The following UNC5C variants were observed in gnomAD, a reference collection of about 807,000 sequenced individuals.
UNC5C encodes netrin receptor UNC5C.
A neutral mutation model predicts 99.8 loss-of-function variants in UNC5C; 47 were observed. The ratio of observed to expected loss-of-function variants is 0.47; its 90% CI spans 0.37 to 0.60. The LOEUF (loss-of-function observed/expected upper bound fraction) is 0.60. Ranked by LOEUF, UNC5C falls within the 20% of genes least tolerant of loss-of-function variation. UNC5C has a pLI of 0.00. For synonymous variants in UNC5C, 487 were observed against 452.2 expected (o/e 1.08, Z -0.98); for missense variants, 1,062 against 1,165.9 (o/e 0.91, Z 1.30).
At chr4:95,432,027 T>C (rs1373234356) in intron 1 of UNC5C, among the ~76,000 whole-genome samples, 1 of 151,938 alleles carries the variant, frequency 6.6e-6, no homozygotes, top group African/African-American at 2.4e-5. Context: ...TAAAAGGAAA[T>C]GAATAGAAGT....
At chr4:95,244,046 T>C (rs924108826) in intron 6 of UNC5C, among the ~76,000 whole-genome samples, 2 of 152,156 alleles carry the variant, frequency 1.3e-5, no homozygotes, top group South Asian at 2.1e-4. Flanking sequence ...AGATTATGTA[T>C]ATCTCTCCAG....
At chr4:95,515,881 T>C (rs1178007891) in intron 1 of UNC5C, among the ~76,000 whole-genome samples, 1 of 152,196 alleles carries the variant, frequency 6.6e-6, no homozygotes, top group Non-Finnish European at 1.5e-5. Flanking sequence ...ACAGTGTATA[T>C]AGATGTCATG....
At chr4:95,179,739 T>G (rs1434235911) in intron 14 of UNC5C, among the ~76,000 whole-genome samples, 1 of 100,156 alleles carries the variant, frequency 1.0e-5, no homozygotes, top group Non-Finnish European at 2.1e-5. Context: ...AGAGCAAGAC[T>G]CCTTCTCAAA....
rs1747115287 is a variant in UNC5C at position 95,446,657 on chromosome 4, G to A, written c.124+102077C>T. ...AAACCTGCCTGATTTCAGGTTCACTGGCACACAACAGTAAATATCCTACAT... is the reference window on the plus strand; with the variant it reads ...AAACCTGCCTGATTTCAGGTTCACTAGCACACAACAGTAAATATCCTACAT... On this transcript the variant is annotated intron_variant, in intron 1 of 15. Coordinates refer to ENST00000453304, the MANE Select transcript of UNC5C (RefSeq NM_003728.4). Among the ~76,000 whole-genome samples the A allele has an allele frequency of 2.0e-5, 3 of 152,088 alleles. No individual in the cohort carries two copies. The South Asian group carries it at 6.2e-4, about 32-fold the overall frequency.
At position 95,404,900 on chromosome 4, in the gene UNC5C, G is replaced by A. The variant is rs138471248; in HGVS notation, c.125-69269C>T. ...AGAAAAGGAGGAAGATCTGAACGCC[G>A]AGAGGAGTCTGGCTGGGGGCAGTTG... On this transcript the variant is annotated intron_variant, in intron 1 of 15. Transcript: ENST00000453304. Among the ~76,000 whole-genome samples the A allele has an allele frequency of 5.6e-3, 860 of 152,304 alleles. 11 individuals are homozygous for A. The highest frequency in any genetic ancestry group is 0.019 in the African/African-American group (793 of 41,560).
intron 1 of UNC5C, among the ~76,000 whole-genome samples, chr4:95,546,585 C>T (rs1210112797): frequency 6.6e-6 from 1 of 152,126 alleles, no homozygotes; most frequent in African/African-American, 2.4e-5. Flanking sequence ...ACTAAATAAA[C>T]GAAATGGACA....
intron 7 of UNC5C, among the ~76,000 whole-genome samples, chr4:95,234,463 G>A (rs867647471): frequency 6.6e-6 from 1 of 151,656 alleles, no homozygotes; most frequent in Admixed American, 6.6e-5. Context: ...TGCCACGTTC[G>A]TGTGCTGCAC....
chr4:95,179,219 C>T (rs376791486), intron 14 of UNC5C, among the ~76,000 whole-genome samples: 9 of 152,220 alleles, frequency 5.9e-5, no homozygotes, highest in South Asian at 2.1e-4. Context: ...TTCCTAAAGT[C>T]GCTTAGAAAA....
intron 1 of UNC5C, among the ~76,000 whole-genome samples, chr4:95,419,588 G>A (rs1746261512): frequency 1.3e-5 from 2 of 152,178 alleles, no homozygotes; most frequent in African/African-American, 2.4e-5. Flanking sequence ...TCTGGTGAAT[G>A]CTATTTATGC....
intron 13 of UNC5C, among the ~76,000 whole-genome samples, chr4:95,183,851 C>CCTAT (rs922298814): frequency 3.9e-5 from 6 of 152,166 alleles, no homozygotes; most frequent in East Asian, 1.9e-4. Flanking sequence ...GCTCAGTTTT[C>CCTAT]CTATCTGCAA....
chr4:95,467,624 C>G (rs1451736225), intron 1 of UNC5C, among the ~76,000 whole-genome samples: 1 of 152,032 alleles, frequency 6.6e-6, no homozygotes, highest in Non-Finnish European at 1.5e-5. Context: ...ATAGTCACTG[C>G]ATAAAAGTAT....
rs183006028 is a variant in UNC5C, at chr4:95,401,755, G to A, written c.125-66124C>T. 2.9e-3 allele frequency among the ~76,000 whole-genome samples: 442 copies of A among 152,354 alleles called. 1 individual carries two copies. The highest frequency in any genetic ancestry group is 5.1e-3 in the Non-Finnish European group (347 of 68,028). On this transcript the variant is annotated intron_variant, in intron 1 of 15. Transcript: ENST00000453304. Reference sequence around the variant, plus strand: ...GTAGCCCAGAGCCCGAAGGAGGTGAGACTCAGTGGATCCGAGCAGAGTTGT... The same window carrying A: ...GTAGCCCAGAGCCCGAAGGAGGTGAAACTCAGTGGATCCGAGCAGAGTTGT...
At chr4:95,521,482 T>G (rs142112983) in intron 1 of UNC5C, among the ~76,000 whole-genome samples, 10,312 of 152,130 alleles carry the variant, frequency 0.068, 435 homozygotes, top group Non-Finnish European at 0.098. Flanking sequence ...CCTCCCAAAG[T>G]GCTGGGATTA....
In UNC5C at chr4:95,437,015, G is replaced by C. The variant is rs897391575; in HGVS notation, c.125-101384C>G. On this transcript the variant is annotated intron_variant, in intron 1 of 15. Transcript: ENST00000453304. ...CTTTCTTGAAAAAAAAAAAAAAACA[G>C]AGACATATAAAACAGCAGGTCTGCA... 2.8e-5 allele frequency among the ~76,000 whole-genome samples: 3 copies of C among 106,732 alleles called. No individual in the cohort carries two copies. The Admixed American group carries it at 3.0e-4, about 11-fold the overall frequency. The allele number at this position is 106,732 out of a possible 152,430, so 70.0% of individuals were successfully genotyped here.
At chr4:95,361,897 G>C (rs551800137) in intron 1 of UNC5C, among the ~76,000 whole-genome samples, 1 of 151,936 alleles carries the variant, frequency 6.6e-6, no homozygotes, top group East Asian at 1.9e-4. Context: ...ACTCCTTCTT[G>C]TTCTTCAGTG....
chr4:95,408,414 A>T (rs985766809), intron 1 of UNC5C, among the ~76,000 whole-genome samples: 1 of 152,176 alleles, frequency 6.6e-6, no homozygotes, highest in Non-Finnish European at 1.5e-5. Flanking sequence ...TGTTTTCATT[A>T]GTGCTTTTGT....
chr4:95,444,824 G>A (rs1388123407), intron 1 of UNC5C, among the ~76,000 whole-genome samples: 3 of 152,024 alleles, frequency 2.0e-5, no homozygotes, highest in Non-Finnish European at 4.4e-5. Context: ...TCACCAGTCT[G>A]CAACTCCGCG....
chr4:95,511,166 C>A (rs1347028025), intron 1 of UNC5C, among the ~76,000 whole-genome samples: 1 of 152,140 alleles, frequency 6.6e-6, no homozygotes, highest in African/African-American at 2.4e-5. Context: ...AGTGCCACTG[C>A]TGACCTTGTC....
chr4:95,529,080 A>G (rs1057362760), intron 1 of UNC5C, among the ~76,000 whole-genome samples: 1 of 151,726 alleles, frequency 6.6e-6, no homozygotes, highest in African/African-American at 2.4e-5. Flanking sequence ...TTTTATCTGT[A>G]ATATTTTATC....
Sources: allele counts gnomAD v4.1 joint callset (sites outside exome capture counted in the v4.1 genomes callset), GRCh38; gene constraint gnomAD v4.1.1; transcripts MANE v1.5; gene names NCBI Gene and HGNC (gene_info 2026-07-23, HGNC 2026-07-21).